The following BABAM2 variants were observed in gnomAD, a reference collection of about 807,000 sequenced individuals.
The protein encoded by BABAM2 is BRISC and BRCA1-A complex member 2.
A neutral mutation model predicts 54.7 loss-of-function variants in BABAM2; 31 were observed. The ratio of observed to expected loss-of-function variants is 0.57; its 90% CI spans 0.43 to 0.77. The LOEUF (loss-of-function observed/expected upper bound fraction) is 0.77, where lower values mean the gene tolerates loss of function less well. Ranked by LOEUF, BABAM2 falls within the 30% of genes least tolerant of loss-of-function variation. BABAM2 has a pLI of 0.00. For synonymous variants in BABAM2, 167 were observed against 162.9 expected (o/e 1.03, Z -0.19); for missense variants, 364 against 455.8 (o/e 0.80, Z 1.83).
At chr2:28,326,314 C>T (rs930258216) in intron 11 of BABAM2, among the ~76,000 whole-genome samples, 5 of 152,212 alleles carry the variant, frequency 3.3e-5, no homozygotes, top group Admixed American at 6.5e-5. Context: ...GCCATCAGCA[C>T]ATCATGGTCT....
intron 6 of BABAM2, among the ~76,000 whole-genome samples, chr2:28,084,759 C>T (rs988308991): frequency 3.9e-5 from 6 of 152,040 alleles, no homozygotes; most frequent in East Asian, 1.9e-4. Flanking sequence ...GGCCATGAGA[C>T]GTGAAAACTT....
Position 27,973,671 on chromosome 2 carries a change from C to T in BABAM2, c.206-14322C>T, listed in dbSNP as rs539047888. On this transcript the variant is annotated intron_variant, in intron 3 of 11. Coordinates refer to ENST00000379624, the MANE Select transcript of BABAM2 (RefSeq NM_199191.3). ...CGGGGGAAATCACAGAGAAGAGGGG[C>T]TGGAGAAAAGGATCCTTTAATCTGT... 3.9e-5 allele frequency among the ~76,000 whole-genome samples: 6 copies of T among 152,198 alleles called. No homozygotes were observed. In the East Asian group the frequency reaches 9.7e-4, roughly 24 times the overall value.
intron 6 of BABAM2, among the ~76,000 whole-genome samples, chr2:28,109,061 A>G (rs952462349): frequency 2.0e-5 from 3 of 152,128 alleles, no homozygotes; most frequent in Non-Finnish European, 4.4e-5. Context: ...TTCTCCTGCA[A>G]TGATTATATA....
intron 1 of BABAM2, among the ~76,000 whole-genome samples, chr2:27,893,017 C>T (rs1664993065): frequency 6.6e-6 from 1 of 152,116 alleles, no homozygotes; most frequent in African/African-American, 2.4e-5. Context: ...AAATAATAAA[C>T]TGAAACAGGT....
At chr2:28,277,555 T>C (rs1348057021) in intron 10 of BABAM2, among the ~76,000 whole-genome samples, 1 of 152,190 alleles carries the variant, frequency 6.6e-6, no homozygotes, top group African/African-American at 2.4e-5. Flanking sequence ...CACAAAGATG[T>C]ATAATGAAAA....
chr2:28,216,101 T>C (rs953429573), intron 7 of BABAM2, among the ~76,000 whole-genome samples: 10 of 152,260 alleles, frequency 6.6e-5, no homozygotes, highest in African/African-American at 2.4e-4. Context: ...TTAATTTTCT[T>C]CTAATTAAAC....
intron 7 of BABAM2, among the ~76,000 whole-genome samples, chr2:28,134,849 G>A (rs1344664271): frequency 6.6e-6 from 1 of 152,198 alleles, no homozygotes; most frequent in Non-Finnish European, 1.5e-5. Flanking sequence ...CAAAGTAAGA[G>A]GGATCAGAAC....
intron 7 of BABAM2, among the ~76,000 whole-genome samples, chr2:28,230,923 G>A (rs948876378): frequency 2.0e-5 from 3 of 152,024 alleles, no homozygotes; most frequent in Non-Finnish European, 4.4e-5. Context: ...CTTTGAAGAC[G>A]ATTTTAATCA....
intron 10 of BABAM2, among the ~76,000 whole-genome samples, chr2:28,266,891 C>T (rs1343822635): frequency 2.0e-5 from 3 of 152,194 alleles, no homozygotes; most frequent in South Asian, 2.1e-4. Context: ...TGCAGTGGCT[C>T]ACGCCTGTAA....
rs563692680 is a variant in BABAM2, at chr2:27,918,700, T to C, written c.129-11132T>C. 2.1e-3 allele frequency among the ~76,000 whole-genome samples: 320 copies of C among 152,262 alleles called. 1 individual carries two copies. Among genetic ancestry groups the C allele is most frequent in the African/African-American group, 7.3e-3 (303 of 41,528 alleles). On this transcript the variant is annotated intron_variant, in intron 2 of 11. Transcript: ENST00000379624. ...TTAGGGAGAACTTACAACTTTTCAT[T>C]ATGAGTCTTTTTTTTTCTCACTCCG...
chr2:27,970,079 A>AT (rs1194100373), intron 3 of BABAM2, among the ~76,000 whole-genome samples: 9 of 151,534 alleles, frequency 5.9e-5, no homozygotes. Context: ...TTATTCTTTA[A>AT]TTTTTTTGGT....
At chr2:27,976,148 A>C (rs1450988991) in intron 3 of BABAM2, among the ~76,000 whole-genome samples, 1 of 152,122 alleles carries the variant, frequency 6.6e-6, no homozygotes, top group Non-Finnish European at 1.5e-5. Flanking sequence ...AAAGGTTGGC[A>C]GTTTGTTTTA....
intron 10 of BABAM2, among the ~76,000 whole-genome samples, chr2:28,245,102 T>C (rs990141837): frequency 1.3e-5 from 2 of 152,100 alleles, no homozygotes; most frequent in Non-Finnish European, 1.5e-5. Flanking sequence ...TTGATTGTTA[T>C]GACTGAGGGG....
chr2:28,021,489 G>A (rs371334085), intron 4 of BABAM2, among the ~76,000 whole-genome samples: 9 of 152,148 alleles, frequency 5.9e-5, no homozygotes, highest in Admixed American at 1.3e-4. Context: ...AAAAATATTC[G>A]TTTTACCGTG....
intron 6 of BABAM2, among the ~76,000 whole-genome samples, chr2:28,076,497 G>T (rs1410161434): frequency 3.3e-5 from 5 of 150,426 alleles, no homozygotes; most frequent in African/African-American, 9.9e-5. Flanking sequence ...TAGTTAGTTA[G>T]TTAGTTAGTT....
At chr2:28,124,691 T>A (rs908566925) in intron 6 of BABAM2, among the ~76,000 whole-genome samples, 2 of 152,224 alleles carry the variant, frequency 1.3e-5, no homozygotes, top group African/African-American at 4.8e-5. Flanking sequence ...GATACTGTGC[T>A]AAGATCCTGC....
intron 7 of BABAM2, among the ~76,000 whole-genome samples, chr2:28,194,662 A>G (rs1385249611): frequency 1.4e-5 from 2 of 141,788 alleles, no homozygotes; most frequent in South Asian, 2.2e-4. Context: ...GCTCATTGCA[A>G]CCTCCGCCTC....
intron 5 of BABAM2, among the ~76,000 whole-genome samples, chr2:28,026,822 T>TTATATATATATATAAATATATATTTATA (rs1221328543): frequency 2.6e-5 from 2 of 77,180 alleles, no homozygotes; most frequent in African/African-American, 1.3e-4. Context: ...AAATATATAT[T>TTATATATATATATAAATATATATTTATA]TATATATATA....
chr2:28,001,722 G>A (rs1211911604), intron 4 of BABAM2, among the ~76,000 whole-genome samples: 1 of 152,132 alleles, frequency 6.6e-6, no homozygotes, highest in Non-Finnish European at 1.5e-5. Context: ...GGAAGTAGGC[G>A]TATCACATGG....
Sources: gnomAD v4.1 joint callset for allele counts (sites outside exome capture counted in the v4.1 genomes callset) on GRCh38, gnomAD v4.1.1 for gene constraint, MANE v1.5 for transcripts, NCBI Gene and HGNC (gene_info 2026-07-23, HGNC 2026-07-21) for gene names.